Variants in LRFN2 observed in about 807,000 individuals in gnomAD.
LRFN2 encodes the protein leucine rich repeat and fibronectin type III domain containing 2.
LRFN2 carries 18 observed loss-of-function variants against 37.3 expected under a neutral mutation model. That is an observed-to-expected ratio of 0.48 (90% CI 0.33 to 0.72). LRFN2 has a LOEUF of 0.72. Ranked by LOEUF, LRFN2 falls within the 30% of genes least tolerant of loss-of-function variation. The pLI is 0.02. For synonymous variants in LRFN2, 556 were observed against 466.6 expected (o/e 1.19, Z -2.47); for missense variants, 1,006 against 1,060.7 (o/e 0.95, Z 0.72).
At chr6:40,523,448 A>G (rs1033417077) in intron 1 of LRFN2, among the ~76,000 whole-genome samples, 7 of 150,310 alleles carry the variant, frequency 4.7e-5, no homozygotes, top group African/African-American at 1.2e-4. Flanking sequence ...CATAAAGCCA[A>G]CTCTCTTTTG....
chr6:40,437,295 T>C (rs973575706), intron 1 of LRFN2, among the ~76,000 whole-genome samples: 2 of 152,128 alleles, frequency 1.3e-5, no homozygotes, highest in Non-Finnish European at 2.9e-5. Context: ...ATCTGTGCAA[T>C]ATAGATGGAC....
intron 1 of LRFN2, among the ~76,000 whole-genome samples, chr6:40,466,898 T>A (rs566826439): frequency 6.6e-6 from 1 of 152,126 alleles, no homozygotes; most frequent in Middle Eastern, 3.4e-3. Context: ...GGGGCCGTAA[T>A]CCCATGTGCC....
chr6:40,500,060 G>T (rs115984444), intron 1 of LRFN2, among the ~76,000 whole-genome samples: 1,613 of 152,320 alleles, frequency 0.011, 23 homozygotes, highest in African/African-American at 0.036. Context: ...CCTGCCTGTG[G>T]GATGGATGCC....
chr6:40,409,306 A>G (rs1427367565), intron 2 of LRFN2, among the ~76,000 whole-genome samples: 1 of 152,182 alleles, frequency 6.6e-6, no homozygotes, highest in Non-Finnish European at 1.5e-5. Flanking sequence ...GCTCTAGTGA[A>G]GAAGGTTTAC....
At chr6:40,451,410 A>G (rs528260119) in intron 1 of LRFN2, among the ~76,000 whole-genome samples, 2 of 152,276 alleles carry the variant, frequency 1.3e-5, no homozygotes, top group Admixed American at 1.3e-4. Flanking sequence ...CCTGGGTTAC[A>G]TGCCTCATCT....
intron 1 of LRFN2, among the ~76,000 whole-genome samples, chr6:40,518,430 A>T (rs947464854): frequency 6.6e-6 from 1 of 152,178 alleles, no homozygotes; most frequent in Non-Finnish European, 1.5e-5. Flanking sequence ...GGCTTAGTGA[A>T]TGGTAGAGCC....
chr6:40,512,166 G>A (rs1269888335), intron 1 of LRFN2, among the ~76,000 whole-genome samples: 1 of 152,128 alleles, frequency 6.6e-6, no homozygotes, highest in Non-Finnish European at 1.5e-5. Flanking sequence ...CGTGTCCCGC[G>A]CACTTGACTT....
intron 2 of LRFN2, among the ~76,000 whole-genome samples, chr6:40,409,222 T>C (rs572702146): frequency 6.6e-6 from 1 of 152,334 alleles, no homozygotes; most frequent in African/African-American, 2.4e-5. Flanking sequence ...CCTTCAATTA[T>C]AACCATCTCC....
chr6:40,496,881 C>T (rs984710096), intron 1 of LRFN2, among the ~76,000 whole-genome samples: 5 of 152,114 alleles, frequency 3.3e-5, no homozygotes, highest in Admixed American at 6.5e-5. Flanking sequence ...AAGGACCTAA[C>T]TAATAATCTC....
At chr6:40,497,256 C>A (rs1765250547) in intron 1 of LRFN2, among the ~76,000 whole-genome samples, 1 of 152,206 alleles carries the variant, frequency 6.6e-6, no homozygotes, top group Non-Finnish European at 1.5e-5. Flanking sequence ...CCCTTACCAG[C>A]AAACCACTCC....
intron 1 of LRFN2, among the ~76,000 whole-genome samples, chr6:40,580,401 T>C (rs1767377317): frequency 6.6e-6 from 1 of 151,706 alleles, no homozygotes; most frequent in South Asian, 2.1e-4. Flanking sequence ...TGTGTGTGAA[T>C]CTCCCTGGTC....
chr6:40,586,772 A>T (rs1767511729), intron 1 of LRFN2, among the ~76,000 whole-genome samples, 169 bp downstream of exon 1: 1 of 152,180 alleles, frequency 6.6e-6, no homozygotes, highest in African/African-American at 2.4e-5. Flanking sequence ...CGCGATAAGG[A>T]TGGGCGAAAA....
intron 1 of LRFN2, among the ~76,000 whole-genome samples, chr6:40,483,950 G>C (rs773966794): frequency 6.6e-6 from 1 of 152,150 alleles, no homozygotes; most frequent in Non-Finnish European, 1.5e-5. Flanking sequence ...CTGGCTCAGA[G>C]AGAATAGCCG....
chr6:40,514,004 G>C (rs1314479906), intron 1 of LRFN2, among the ~76,000 whole-genome samples: 1 of 151,994 alleles, frequency 6.6e-6, no homozygotes, highest in African/African-American at 2.4e-5. Flanking sequence ...TGTCATGATG[G>C]ACCACCATGC....
chr6:40,525,763 C>T (rs1426564496), intron 1 of LRFN2, among the ~76,000 whole-genome samples: 1 of 152,078 alleles, frequency 6.6e-6, no homozygotes, highest in African/African-American at 2.4e-5. Context: ...CTGCTCCAGC[C>T]CTCCCACACT....
At chr6:40,416,065 A>G (rs760633034) in intron 2 of LRFN2, among the ~76,000 whole-genome samples, 4 of 152,122 alleles carry the variant, frequency 2.6e-5, no homozygotes, top group Non-Finnish European at 4.4e-5. Flanking sequence ...CTGGAGTGCA[A>G]TGGCGGAATC....
At chr6:40,453,913 A>T (rs2436745) in intron 1 of LRFN2, among the ~76,000 whole-genome samples, 140,780 of 152,202 alleles carry the variant, frequency 0.92, 66,099 homozygotes, top group Non-Finnish European at 1. Context: ...TCAAAACACC[A>T]GCTAGCCTCT....
intron 1 of LRFN2, among the ~76,000 whole-genome samples, chr6:40,538,863 T>A (rs187313572): frequency 6.6e-6 from 1 of 152,358 alleles, no homozygotes; most frequent in East Asian, 1.9e-4. Flanking sequence ...ATCAGAAATG[T>A]TTGCATTAAT....
At chr6:40,431,100 C>T (rs1001335091) in intron 2 of LRFN2, among the ~76,000 whole-genome samples, 6 of 152,100 alleles carry the variant, frequency 3.9e-5, no homozygotes, top group Admixed American at 1.3e-4. Context: ...CCCTTTCTCT[C>T]TCTCTTTTTT....
Sources: gnomAD v4.1 joint callset for allele counts (sites outside exome capture counted in the v4.1 genomes callset) on GRCh38, gnomAD v4.1.1 for gene constraint, MANE v1.5 for transcripts, NCBI Gene and HGNC (gene_info 2026-07-23, HGNC 2026-07-21) for gene names.